CFAP47: variants seen among roughly 807,000 people sequenced by gnomAD.
CFAP47 encodes cilia and flagella associated protein 47.
A neutral mutation model predicts 148.1 loss-of-function variants in CFAP47; 29 were observed. That is an observed-to-expected ratio of 0.20 (90% CI 0.15 to 0.27). CFAP47 has a LOEUF of 0.27. Among genes scored for constraint, CFAP47 ranks in the 10% least tolerant of loss-of-function variants. The pLI is 1.00. For missense variants in CFAP47, 1,872 were observed against 1,697.5 expected (o/e 1.10, Z -1.81); for synonymous variants, 664 against 577.3 (o/e 1.15, Z -2.15).
At chrX:35,952,882 G>T (rs1936188133) in intron 6 of CFAP47, among the ~76,000 whole-genome samples, 1 of 111,846 alleles carries the variant, frequency 8.9e-6, no homozygotes. Flanking sequence ...TGTATGATTT[G>T]AAGTCTTAGT....
intron 8 of CFAP47, among the ~76,000 whole-genome samples, chrX:35,964,221 A>C (rs900169007): frequency 2.7e-5 from 3 of 111,594 alleles, no homozygotes; most frequent in African/African-American, 6.5e-5. Context: ...TTTGAATGAT[A>C]GTTTTGCTAG....
chrX:36,230,440 C>T (rs1248769412), intron 46 of CFAP47, among the ~76,000 whole-genome samples: 3 of 108,309 alleles, frequency 2.8e-5, no homozygotes, highest in African/African-American at 1.0e-4. Context: ...GTCCTTCACC[C>T]ACTTTTTGAT....
chrX:35,994,123 A>G lies in CFAP47; in HGVS notation c.3099+802A>G, dbSNP rs186263896. On this transcript the variant is annotated intron_variant, in intron 18 of 63. Transcript: ENST00000378653. ...TAAAAATACAAAAAATTAGCCGGGC[A>G]TGGTGGTGGGCACCTGTAGTCCCAG... Among the ~76,000 whole-genome samples the G allele has an allele frequency of 5.3e-3, 584 of 110,034 alleles. 6 individuals carry two copies. The highest frequency in any genetic ancestry group is 0.019 in the African/African-American group (561 of 30,235).
chrX:36,347,456 C>A (rs1479497006), intron 57 of CFAP47, among the ~76,000 whole-genome samples: 1 of 111,946 alleles, frequency 8.9e-6, no homozygotes, highest in Admixed American at 9.5e-5. Context: ...ATTATAAATC[C>A]TTCTATGATA....
chrX:36,307,735 C>T (rs911994357), intron 55 of CFAP47, among the ~76,000 whole-genome samples: 3 of 110,873 alleles, frequency 2.7e-5, no homozygotes, highest in Non-Finnish European at 5.7e-5. Flanking sequence ...ATACAGGCGT[C>T]TCCATGTCAG....
intron 10 of CFAP47, among the ~76,000 whole-genome samples, chrX:35,969,912 T>C (rs1319793148): frequency 8.9e-6 from 1 of 111,775 alleles, no homozygotes; most frequent in Non-Finnish European, 1.9e-5. Flanking sequence ...CTTATGTTTT[T>C]TTTCTTTTTT....
intron 19 of CFAP47, among the ~76,000 whole-genome samples, chrX:35,999,512 G>A (rs1936889885): frequency 1.8e-5 from 2 of 111,878 alleles, no homozygotes; most frequent in South Asian, 3.7e-4. Context: ...AATGAATCAC[G>A]CTAAGGTCCA....
chrX:36,012,405 C>A (rs775264298), intron 21 of CFAP47, among the ~76,000 whole-genome samples: 1 of 111,651 alleles, frequency 9.0e-6, no homozygotes, highest in Non-Finnish European at 1.9e-5. Context: ...AGCAAAGACT[C>A]GGAACAACCC....
intron 3 of CFAP47, among the ~76,000 whole-genome samples, chrX:35,943,882 C>G (rs764910299): frequency 9.0e-6 from 1 of 110,635 alleles, no homozygotes; most frequent in African/African-American, 3.3e-5. Context: ...TGTTTTGATA[C>G]GGGCATCCAA....
intron 25 of CFAP47, among the ~76,000 whole-genome samples, chrX:36,044,401 C>G (rs1238340037): frequency 1.8e-5 from 2 of 112,849 alleles, no homozygotes; most frequent in Non-Finnish European, 3.7e-5. Context: ...ACATTAGTTC[C>G]AATTTCAAAC....
At chrX:36,226,264 C>G (rs1555991529) in intron 45 of CFAP47, among the ~76,000 whole-genome samples, 3 of 111,100 alleles carry the variant, frequency 2.7e-5, no homozygotes, top group African/African-American at 9.8e-5. Context: ...GGGGACATGT[C>G]AAGGCATGGA....
At chrX:36,273,380 A>G (rs994675334) in intron 49 of CFAP47, among the ~76,000 whole-genome samples, 1 of 111,713 alleles carries the variant, frequency 9.0e-6, no homozygotes, top group African/African-American at 3.2e-5. Flanking sequence ...TTAAAAACAT[A>G]ATGGGTTTAA....
At chrX:36,154,801 C>CTT (rs368274813) in intron 37 of CFAP47, among the ~76,000 whole-genome samples, 10 of 99,109 alleles carry the variant, frequency 1.0e-4, no homozygotes, top group Admixed American at 3.3e-4. Context: ...GTAATGTTGG[C>CTT]TTTTTTTTTT....
At position 36,230,461 on chromosome X, in the gene CFAP47, G is replaced by GT. The variant is rs1200662119; in HGVS notation, c.7014+1644dup. On this transcript the variant is annotated intron_variant, in intron 46 of 63. Coordinates refer to ENST00000378653, the MANE Select transcript of CFAP47 (RefSeq NM_001304548.2). Reference sequence around the variant, plus strand: ...CACCCACTTTTTGATGGGGTTGTTTGTTTTTTTCTTGTAAATTTGTTTGAG... The same window carrying GT: ...CACCCACTTTTTGATGGGGTTGTTTGTTTTTTTTCTTGTAAATTTGTTTGAG... Among the ~76,000 whole-genome samples the GT allele has an allele frequency of 6.7e-3, 717 of 106,316 alleles. 11 individuals carry two copies. Among genetic ancestry groups the GT allele is most frequent in the African/African-American group, 0.024 (666 of 27,634 alleles). The allele number at this position is 106,316 out of a possible 115,157, so 92.3% of individuals were successfully genotyped here.
chrX:35,972,007 TAA>T (rs5902124), intron 13 of CFAP47, 42 bp downstream of exon 13: 1 of 805,364 alleles, frequency 1.2e-6, no homozygotes, highest in Non-Finnish European at 1.8e-6. Flanking sequence ...TATTTTTTTA[TAA>T]AAAAAAGATT....
rs1354920645 is a variant in CFAP47, at chrX:36,315,115, T to C, written c.8345-4094T>C. 6.2e-5 allele frequency among the ~76,000 whole-genome samples: 7 copies of C among 112,434 alleles called. No homozygotes were observed. The East Asian group carries it at 8.3e-4, about 13-fold the overall frequency. ...AGACTACTTTTTCTTCAGACAACTA[T>C]ACTATGTTGCCTAAAAGTATGTTTC... On this transcript the variant is annotated intron_variant, in intron 56 of 63. Coordinates refer to ENST00000378653, the MANE Select transcript of CFAP47 (RefSeq NM_001304548.2).
At chrX:36,295,091 G>A (rs782486260) in intron 51 of CFAP47, among the ~76,000 whole-genome samples, 9 of 111,641 alleles carry the variant, frequency 8.1e-5, no homozygotes, top group Non-Finnish European at 1.7e-4. Flanking sequence ...CTAAGTACCA[G>A]CCAGAAAAAA....
chrX:36,338,023 C>G (rs1941622102), intron 57 of CFAP47, among the ~76,000 whole-genome samples: 1 of 98,767 alleles, frequency 1.0e-5, no homozygotes, highest in African/African-American at 3.8e-5. Flanking sequence ...GCGCCCGCCA[C>G]TACGCCTGGC....
intron 25 of CFAP47, among the ~76,000 whole-genome samples, chrX:36,041,175 G>A (rs907020565): frequency 1.8e-5 from 2 of 110,882 alleles, no homozygotes; most frequent in Non-Finnish European, 3.8e-5. Flanking sequence ...ATACAAAACA[G>A]AAACTCAGTG....
Sources: gnomAD v4.1 joint callset for allele counts (sites outside exome capture counted in the v4.1 genomes callset) on GRCh38, gnomAD v4.1.1 for gene constraint, MANE v1.5 for transcripts, NCBI Gene and HGNC (gene_info 2026-07-23, HGNC 2026-07-21) for gene names.